Variants in ITCH observed in about 807,000 individuals in gnomAD.
The protein encoded by ITCH is itchy E3 ubiquitin protein ligase.
Under a neutral mutation model 126.8 loss-of-function variants are expected in ITCH, and 28 were observed. That is an observed-to-expected ratio of 0.22 (90% CI 0.16 to 0.30). The LOEUF (loss-of-function observed/expected upper bound fraction) is 0.30. Ranked by LOEUF, ITCH falls within the 10% of genes least tolerant of loss-of-function variation. The pLI, the probability that ITCH is intolerant of heterozygous loss-of-function variation, is 1.00. For missense variants in ITCH, 631 were observed against 1,032.4 expected (o/e 0.61, Z 5.33); for synonymous variants, 342 against 340.0 (o/e 1.01, Z -0.06).
intron 20 of ITCH, 32 bp downstream of exon 20, chr20:34,481,238 T>C: frequency 3.1e-6 from 5 of 1,607,496 alleles, no homozygotes; most frequent in Non-Finnish European, 4.3e-6. Context: ...TTTCACTTTT[T>C]GTTTGACTAC....
chr20:34,475,271 G>A lies in ITCH; in HGVS notation c.1570-2501G>A, dbSNP rs546347539. ...ACGTGGTGGCGGCCGGGCAGAGGCT[G>A]CAATCTCGGCACTTTGGGAGGCCAA... On this transcript the variant is annotated intron_variant, in intron 16 of 24. Coordinates refer to ENST00000374864, the MANE Select transcript of ITCH (RefSeq NM_031483.7). 1.9e-3 allele frequency among the ~76,000 whole-genome samples: 294 copies of A among 152,312 alleles called. 1 individual carries two copies. The highest frequency in any genetic ancestry group is 6.8e-3 in the African/African-American group (282 of 41,568).
intron 2 of ITCH, among the ~76,000 whole-genome samples, chr20:34,392,871 C>G (rs1208699586): frequency 2.6e-5 from 4 of 152,066 alleles, no homozygotes; most frequent in East Asian, 1.9e-4. Context: ...AAGGACCCCC[C>G]CAGCCCGGGA....
intron 2 of ITCH, among the ~76,000 whole-genome samples, chr20:34,379,594 CTT>C (rs757940621): frequency 2.7e-4 from 37 of 135,456 alleles, no homozygotes; most frequent in Non-Finnish European, 2.1e-4. Flanking sequence ...AATATTTGTC[CTT>C]TTTTTTTTTT....
chr20:34,382,722 T>TTGTTAC (rs1187621510), intron 2 of ITCH, among the ~76,000 whole-genome samples: 25 of 113,076 alleles, frequency 2.2e-4, no homozygotes, highest in Admixed American at 6.2e-4. Flanking sequence ...ATTCTTTTTA[T>TTGTTAC]TATTACTATT....
chr20:34,442,267 G>A lies in ITCH; in HGVS notation c.929G>A (p.Arg310Lys). Reference sequence around the variant, plus strand: ...TACTATGTAGATCATGTTGAGAAAAGAACAACATGGGATAGACCAGAACCT... The same window carrying A: ...TACTATGTAGATCATGTTGAGAAAAAAACAACATGGGATAGACCAGAACCT... ...RVYYVDHVEK[R>K]TTWDRPEPLP... Residue 310 changes from arginine (R) to lysine (K), a missense_variant, in exon 10 of 25, where the codon AGA becomes AAA. Arg to Lys is a conservative substitution (Grantham distance 26). Around this residue, in one of 4 missense-constraint regions of ITCH, gnomAD observed 390 missense variants for 731.6 expected, o/e 0.53. Coordinates refer to ENST00000374864, the MANE Select transcript of ITCH (RefSeq NM_031483.7). 2.5e-6 allele frequency: 4 copies of A among 1,613,630 alleles called. No individual in the cohort carries two copies. The highest frequency in any genetic ancestry group is 3.4e-6 in the Non-Finnish European group (4 of 1,179,606).
intron 1 of ITCH, among the ~76,000 whole-genome samples, chr20:34,367,132 TAGAA>T (rs758743541): frequency 6.8e-4 from 104 of 152,156 alleles, no homozygotes; most frequent in Non-Finnish European, 1.2e-3. Context: ...TTTGAGAAAT[TAGAA>T]AGAACTATGT....
At chr20:34,462,564 C>G (rs1986645144) in intron 14 of ITCH, among the ~76,000 whole-genome samples, 1 of 152,194 alleles carries the variant, frequency 6.6e-6, no homozygotes, top group South Asian at 2.1e-4. Flanking sequence ...ATCCCCCACC[C>G]CATTTCTGAG....
chr20:34,473,381 T>A (rs1201712139), intron 16 of ITCH, among the ~76,000 whole-genome samples: 5 of 152,212 alleles, frequency 3.3e-5, no homozygotes, highest in African/African-American at 1.2e-4. Flanking sequence ...TATGTGGTAA[T>A]CTGTGGTGCT....
At position 34,508,192 on chromosome 20, in the gene ITCH, G is replaced by A; in HGVS notation, c.*398G>A. On this transcript the variant is annotated 3_prime_UTR_variant, in exon 25 of 25. Transcript: ENST00000374864. Reference sequence around the variant, plus strand: ...GCAATATACAAGATTTTCCTATTAAGCCTCTTGGTAAGAGGCATTTGTTAA... The same window carrying A: ...GCAATATACAAGATTTTCCTATTAAACCTCTTGGTAAGAGGCATTTGTTAA... The A allele has an allele frequency of 4.6e-6, 1 of 219,592 alleles. No homozygotes were observed. Among genetic ancestry groups the A allele is most frequent in the South Asian group, 6.6e-5 (1 of 15,040 alleles). 13.6% of individuals were successfully genotyped at this position (219,592 alleles called of 1,614,324 possible).
chr20:34,468,127 C>T (rs1485178908), intron 14 of ITCH, among the ~76,000 whole-genome samples: 14 of 151,288 alleles, frequency 9.3e-5, no homozygotes, highest in Non-Finnish European at 1.6e-4. Flanking sequence ...CTCTGCCTCC[C>T]GGGTTCACGC....
In ITCH at chr20:34,408,769, C is replaced by T; in HGVS notation, c.189C>T (p.Pro63=). 6.2e-7 allele frequency: 1 copy of T among 1,614,052 alleles called. No homozygotes were observed. Among genetic ancestry groups the T allele is most frequent in the East Asian group, 2.2e-5 (1 of 44,860 alleles). Residue 63 remains proline, a synonymous_variant, in exon 4 of 25, where the codon CCC becomes CCT. Transcript: ENST00000374864. ...AAAAATGCAACAACACAAACAGTCCCAAGTGGAAGCAACCCCTTACAGTGT... is the reference window on the plus strand; with the variant it reads ...AAAAATGCAACAACACAAACAGTCCTAAGTGGAAGCAACCCCTTACAGTGT... ...KTEKCNNTNS[P]KWKQPLTVIV...
chr20:34,421,475 A>G (rs1020854116), intron 6 of ITCH, among the ~76,000 whole-genome samples: 3 of 152,154 alleles, frequency 2.0e-5, no homozygotes, highest in Non-Finnish European at 2.9e-5. Flanking sequence ...CAATCTGACA[A>G]ATTTTCTTGA....
chr20:34,399,360 C>A (rs1326915031), intron 3 of ITCH, among the ~76,000 whole-genome samples: 1 of 151,436 alleles, frequency 6.6e-6, no homozygotes, highest in Non-Finnish European at 1.5e-5. Flanking sequence ...CCATTACACT[C>A]CAATCTGGGC....
chr20:34,474,972 C>T (rs1416718017), intron 16 of ITCH, among the ~76,000 whole-genome samples: 1 of 151,990 alleles, frequency 6.6e-6, no homozygotes, highest in African/African-American at 2.4e-5. Flanking sequence ...CCTCACCTCC[C>T]AGACGGGGTC....
chr20:34,442,327 A>G, intron 10 of ITCH, 24 bp downstream of exon 10: 2 of 1,486,784 alleles, frequency 1.3e-6, no homozygotes, highest in Non-Finnish European at 1.9e-6. Context: ...TTTAAAAAGA[A>G]TAATTTTATT....
intron 12 of ITCH, 64 bp from the exon 13 acceptor site, chr20:34,457,326 C>G: frequency 9.4e-7 from 1 of 1,063,088 alleles, no homozygotes; most frequent in Non-Finnish European, 1.5e-6. Flanking sequence ...TTTATTTTAC[C>G]TTGAGCAAGA....
At chr20:34,496,758 G>A (rs1374392074) in intron 23 of ITCH, among the ~76,000 whole-genome samples, 4 of 147,732 alleles carry the variant, frequency 2.7e-5, no homozygotes, top group Admixed American at 1.4e-4. Context: ...AGCCGAGATC[G>A]TGCCATTGCA....
chr20:34,423,693 T>A (rs1171113885), intron 6 of ITCH, among the ~76,000 whole-genome samples: 1 of 152,154 alleles, frequency 6.6e-6, no homozygotes, highest in Non-Finnish European at 1.5e-5. Flanking sequence ...AATTTCTGCC[T>A]CCCGGGTTCT....
intron 14 of ITCH, among the ~76,000 whole-genome samples, chr20:34,464,239 CAG>C (rs980109043): frequency 2.6e-5 from 4 of 151,556 alleles, no homozygotes; most frequent in Admixed American, 2.6e-4. Flanking sequence ...CCACCCACCT[CAG>C]TCTCCCAAAG....
Sources: gnomAD v4.1 joint callset for allele counts (sites outside exome capture counted in the v4.1 genomes callset) on GRCh38, gnomAD v4.1.1 for gene constraint, gnomAD v4.1.1 regional missense constraint, MANE v1.5 for transcripts, NCBI Gene and HGNC (gene_info 2026-07-23, HGNC 2026-07-21) for gene names.